Variants in FBXO43 observed in about 807,000 individuals in gnomAD.
The protein encoded by FBXO43 is F-box only protein 43.
Under a neutral mutation model 56.7 loss-of-function variants are expected in FBXO43, and 22 were observed. The ratio of observed to expected loss-of-function variants is 0.39; its 90% CI spans 0.28 to 0.55. FBXO43 has a LOEUF of 0.55. Among genes scored for constraint, FBXO43 ranks in the 20% least tolerant of loss-of-function variants. The pLI, the probability that FBXO43 is intolerant of heterozygous loss-of-function variation, is 0.66. For missense variants in FBXO43, 733 were observed against 814.9 expected (o/e 0.90, Z 1.22); for synonymous variants, 306 against 294.5 (o/e 1.04, Z -0.40).
At chr8:100,149,990 A>G (rs972050057), upstream of FBXO43, among the ~76,000 whole-genome samples, 4 of 152,158 alleles carry the variant, frequency 2.6e-5, no homozygotes, top group East Asian at 1.9e-4. Flanking sequence ...TTGTTCTTCT[A>G]TGGTGGAATA....
At position 100,140,841 on chromosome 8, in the gene FBXO43, A is replaced by G; in HGVS notation, c.1413T>C (p.Asp471=). 6.2e-7 allele frequency: 1 copy of G among 1,614,154 alleles called. No individual in the cohort carries two copies. Among genetic ancestry groups the G allele is most frequent in the Non-Finnish European group, 8.5e-7 (1 of 1,180,018 alleles). Reference sequence around the variant, plus strand: ...ACTGCAGTACAGCTATTTTCTCCCCATCCCCTTGCTCTAAGAATTCATGTC... The same window carrying G: ...ACTGCAGTACAGCTATTTTCTCCCCGTCCCCTTGCTCTAAGAATTCATGTC... ...NSGHEFLEQG[D]GEKIAVLQCI... The change falls in exon 2 of 5, where the codon GAT becomes GAC. Residue 471 remains aspartate, a synonymous_variant. Transcript: ENST00000428847.
Position 100,141,733 on chromosome 8 carries a change from C to T in FBXO43, c.521G>A (p.Ser174Asn). 1 of 1,598,176 alleles carries T rather than the reference C, an allele frequency of 6.3e-7. No individual in the cohort carries two copies. The highest frequency in any genetic ancestry group is 8.5e-7 in the Non-Finnish European group (1 of 1,170,872). Residue 174 changes from serine (S) to asparagine (N), a missense_variant, in exon 2 of 5, where the codon AGT becomes AAT. Transcript: ENST00000428847. ...TTGGCTTATACTACTTTCTAAAGAA[C>T]TATTTTGTGATTCAAAGTCCCCTTT... is the stretch of plus-strand genomic sequence containing the variant. Reference protein sequence around the residue: ...LLKGDFESQNSSLESSISQVI... With the variant: ...LLKGDFESQNNSLESSISQVI...
In FBXO43 at chr8:100,145,634, T is replaced by TCCC. The variant is rs146929915; in HGVS notation, c.-502_-500dup. Reference sequence around the variant, plus strand: ...CCCGCTAACGGGCACTCGCCTGGGGTCCCGCCGCCTGCCTGGAGGCCGCGG... The same window carrying TCCC: ...CCCGCTAACGGGCACTCGCCTGGGGTCCCCCCGCCGCCTGCCTGGAGGCCGCGG... On this transcript the variant is annotated 5_prime_UTR_variant, in exon 1 of 5. Coordinates refer to ENST00000428847, the MANE Select transcript of FBXO43 (RefSeq NM_001029860.4). The TCCC allele has an allele frequency of 0.055, 8,420 of 152,300 alleles. 697 individuals carry two copies. The highest frequency in any genetic ancestry group is 0.17 in the African/African-American group (7,125 of 41,432). The allele number at this position is 152,300 out of a possible 1,614,324, so 9.4% of individuals were successfully genotyped here.
In FBXO43 at chr8:100,133,951, G is replaced by T; in HGVS notation, c.1978C>A (p.Arg660=). ...QPYKKRGLCS[R]TACGFDFCVL... ...CAAAAGTCAAAACCACAGGCTGTTC[G>T]GCTACACAGTCCCCTTTTCTTATAT... is the stretch of plus-strand genomic sequence containing the variant. The change falls in exon 5 of 5, where the codon CGA becomes AGA. Residue 660 remains arginine (R), a synonymous_variant. Coordinates refer to ENST00000428847, the MANE Select transcript of FBXO43 (RefSeq NM_001029860.4). 3 of 1,614,038 alleles carry T rather than the reference G, an allele frequency of 1.9e-6. No homozygotes were observed. Among genetic ancestry groups the T allele is most frequent in the Non-Finnish European group, 2.5e-6 (3 of 1,180,012 alleles).
In FBXO43 at chr8:100,141,884, G is replaced by C. The variant is rs764686661; in HGVS notation, c.370C>G (p.Gln124Glu). ...CTAGGCAAGATACATTTCTTTTTTT[G>C]AGTGGGAGATTCTAAAGGATGTGTT... ...GLTHPLESPT[Q>E]KKKCILPRKE... The change falls in exon 2 of 5, where the codon CAA (glutamine) becomes GAA (glutamate). Residue 124 changes from glutamine to glutamate, a missense_variant. By Grantham distance (29) the Gln-to-Glu change is conservative. Coordinates refer to ENST00000428847, the MANE Select transcript of FBXO43 (RefSeq NM_001029860.4). The C allele has an allele frequency of 6.3e-7, 1 of 1,588,268 alleles. No individual in the cohort carries two copies. The highest frequency in any genetic ancestry group is 8.5e-7 in the Non-Finnish European group (1 of 1,172,376).
In FBXO43 at chr8:100,140,934, G is replaced by A; in HGVS notation, c.1320C>T (p.Thr440=). Residue 440 remains threonine (T), a synonymous_variant, in exon 2 of 5, where the codon ACC becomes ACT. Transcript: ENST00000428847. ...LTFSLKNLSK[T]PALQLVHELF... ...GCTCATGTACCAATTGCAAGGCTGG[G>A]GTCTTTGATAAATTCTTTAAGCTAA... 1 of 1,614,000 alleles carries A rather than the reference G, an allele frequency of 6.2e-7. No homozygotes were observed. Among genetic ancestry groups the A allele is most frequent in the East Asian group, 2.2e-5 (1 of 44,874 alleles).
chr8:100,137,903 G>A (rs1814523215), intron 2 of FBXO43, among the ~76,000 whole-genome samples: 1 of 152,052 alleles, frequency 6.6e-6, no homozygotes, highest in Non-Finnish European at 1.5e-5. Context: ...TTTTATAAAT[G>A]GTCATATAAA....
upstream of FBXO43, chr8:100,150,508 A>G (rs1414666627): frequency 6.6e-6 from 1 of 152,260 alleles, no homozygotes; most frequent in African/African-American, 2.4e-5. Context: ...CGTAGAATCT[A>G]ATAGACAGAA....
At position 100,134,263 on chromosome 8, in the gene FBXO43, C is replaced by T. The variant is rs1814398759; in HGVS notation, c.1776G>A (p.Gln592=). The T allele has an allele frequency of 1.9e-6, 3 of 1,614,170 alleles. No homozygotes were observed. The highest frequency in any genetic ancestry group is 1.7e-6 in the Non-Finnish European group (2 of 1,180,020). ...VQAQARIPGS[Q]REQGSTLSPW... is the part of the protein sequence containing the mutation. ...GAGATAATGTTGACCCTTGCTCTCT[C>T]TGAGAACCAGGTATCCTAGCCTGTG... The change falls in exon 4 of 5, where the codon CAG becomes CAA. Residue 592 remains glutamine (Q), a synonymous_variant. Coordinates refer to ENST00000428847, the MANE Select transcript of FBXO43 (RefSeq NM_001029860.4).
chr8:100,134,903 T>G (rs114906325), intron 3 of FBXO43, among the ~76,000 whole-genome samples: 3 of 152,114 alleles, frequency 2.0e-5, no homozygotes, highest in Non-Finnish European at 4.4e-5. Flanking sequence ...CCAGGAAGGA[T>G]GTCTCTGAGG....
chr8:100,140,974 C>G lies in FBXO43; in HGVS notation c.1280G>C (p.Ser427Thr). The G allele has an allele frequency of 6.2e-7, 1 of 1,614,232 alleles. No individual in the cohort carries two copies. Among genetic ancestry groups the G allele is most frequent in the East Asian group, 2.2e-5 (1 of 44,886 alleles). ...ISEGQLSSDE[S>T]GDLTFSLKNL... The stretch of plus-strand genomic sequence containing the variant: ...CTTTAAGCTAAAGGTCAAATCCCCA[C>G]TCTCATCACTACTCAGCTGACCCTC... Residue 427 changes from serine (S) to threonine (T), a missense_variant, in exon 2 of 5, where the codon AGT (serine) becomes ACT (threonine). Coordinates refer to ENST00000428847, the MANE Select transcript of FBXO43 (RefSeq NM_001029860.4).
rs1296876059 is a variant in FBXO43 at position 100,142,030 on chromosome 8, T to C, written c.224A>G (p.Asp75Gly). The change falls in exon 2 of 5, where the codon GAT becomes GGT. Residue 75 changes from aspartate to glycine, a missense_variant. Physicochemically the swap from Asp to Gly is moderately conservative, Grantham distance 94. Transcript: ENST00000428847. ...RDFCSTSSFQ[D>G]SGYNELKSCS... ...AGATTTTAACTCATTGTAGCCACTA[T>C]CTTGAAATGAAGATGTGGAACAAAA... is the stretch of plus-strand genomic sequence containing the variant. The C allele has an allele frequency of 1.9e-6, 3 of 1,614,010 alleles. No individual in the cohort carries two copies. The highest frequency in any genetic ancestry group is 1.7e-5 in the Admixed American group (1 of 59,978).
At chr8:100,135,250 CAG>C (rs146185032) in intron 3 of FBXO43, among the ~76,000 whole-genome samples, 1 of 151,864 alleles carries the variant, frequency 6.6e-6, no homozygotes, top group Non-Finnish European at 1.5e-5. Context: ...GAAAGGAATT[CAG>C]AGAGAGAGGG....
chr8:100,140,501 C>CA (rs1275143449), intron 2 of FBXO43, among the ~76,000 whole-genome samples, 182 bp downstream of exon 2: 11 of 151,384 alleles, frequency 7.3e-5, no homozygotes, highest in Admixed American at 2.6e-4. Context: ...CAAAACAAAA[C>CA]AAAAAAACGG....
intron 1 of FBXO43, 153 bp downstream of exon 1, chr8:100,144,898 C>A: frequency 1.1e-6 from 1 of 905,048 alleles, no homozygotes; most frequent in Admixed American, 3.5e-5. Flanking sequence ...CGCCACTGCA[C>A]TCCAGCCTGG....
At chr8:100,144,079 G>A (rs966714680) in intron 1 of FBXO43, among the ~76,000 whole-genome samples, 17 of 152,054 alleles carry the variant, frequency 1.1e-4, no homozygotes, top group Admixed American at 1.1e-3. Flanking sequence ...GGCAGGTCAC[G>A]GTCCTTTTAA....
Position 100,134,186 on chromosome 8 carries a change from C to T in FBXO43, c.1853G>A (p.Ser618Asn). 6.2e-7 allele frequency: 1 copy of T among 1,614,098 alleles called. No individual in the cohort carries two copies. Among genetic ancestry groups the T allele is most frequent in the East Asian group, 2.2e-5 (1 of 44,890 alleles). The change falls in exon 4 of 5, where the codon AGT becomes AAT. Residue 618 changes from serine to asparagine, a missense_variant. By Grantham distance (46) the Ser-to-Asn change is conservative. Coordinates refer to ENST00000428847, the MANE Select transcript of FBXO43 (RefSeq NM_001029860.4). ...PLASSSVTHL[S>N]SKQEEYVKVA... ...CTTAACATATTCTTCCTGTTTACTACTTAAGTGAGTAACAGAAGAGCTTGC... is the reference window on the plus strand; with the variant it reads ...CTTAACATATTCTTCCTGTTTACTATTTAAGTGAGTAACAGAAGAGCTTGC...
At chr8:100,148,702 G>A (rs58201307), upstream of FBXO43, among the ~76,000 whole-genome samples, 3,421 of 152,208 alleles carry the variant, frequency 0.022, 123 homozygotes, top group African/African-American at 0.078. Context: ...CGTGAGCCAC[G>A]GTGCCCAGCC....
Position 100,142,242 on chromosome 8 carries a change from G to T in FBXO43, c.86-74C>A, listed in dbSNP as rs944733133. 11 of 1,330,614 alleles carry T rather than the reference G, an allele frequency of 8.3e-6. No individual in the cohort carries two copies. In the African/African-American group the frequency reaches 1.3e-4, roughly 16 times the overall value. The allele number at this position is 1,330,614 out of a possible 1,614,324, so 82.4% of individuals were successfully genotyped here. A position where few individuals can be genotyped will look rare whatever the true frequency, so the allele number is the denominator to read the frequency against. On this transcript the variant is annotated intron_variant, in intron 1 of 4. Coordinates refer to ENST00000428847, the MANE Select transcript of FBXO43 (RefSeq NM_001029860.4). Reference sequence around the variant, plus strand: ...CAGCTTATACCAAAATACATTATTTGTTATGAGTACAGATAATAATGGAAA... The same window carrying T: ...CAGCTTATACCAAAATACATTATTTTTTATGAGTACAGATAATAATGGAAA...
Sources: allele counts gnomAD v4.1 joint callset (sites outside exome capture counted in the v4.1 genomes callset), GRCh38; gene constraint gnomAD v4.1.1; transcripts MANE v1.5; gene names NCBI Gene and HGNC (gene_info 2026-07-23, HGNC 2026-07-21).